Variants in TENM2 observed in about 807,000 individuals in gnomAD.
TENM2 encodes the protein teneurin transmembrane protein 2, also known as teneurin-2.
TENM2 carries 52 observed loss-of-function variants against 245.2 expected under a neutral mutation model. The observed-to-expected ratio is 0.21, with a 90% CI of 0.17 to 0.27. The LOEUF (loss-of-function observed/expected upper bound fraction) is 0.27, where lower values mean the gene tolerates loss of function less well. Ranked by LOEUF, TENM2 falls within the 10% of genes least tolerant of loss-of-function variation. The pLI is 1.00. For missense variants in TENM2, 3,046 were observed against 3,666.8 expected (o/e 0.83, Z 4.37); for synonymous variants, 1,363 against 1,438.9 (o/e 0.95, Z 1.19).
At chr5:167,690,446 G>GT (rs1238592737) in intron 2 of TENM2, among the ~76,000 whole-genome samples, 1 of 152,054 alleles carries the variant, frequency 6.6e-6, no homozygotes, top group Non-Finnish European at 1.5e-5. Flanking sequence ...AGTTATGCCA[G>GT]TTACTTTACT....
At chr5:168,012,363 C>G (rs1785284593) in intron 5 of TENM2, among the ~76,000 whole-genome samples, 1 of 151,850 alleles carries the variant, frequency 6.6e-6, no homozygotes, top group Non-Finnish European at 1.5e-5. Context: ...GAAGGTGAGG[C>G]CAGGCACAGA....
rs142982530 is a variant in TENM2 at position 167,743,367 on chromosome 5, G to A, written c.503-132619G>A. On this transcript the variant is annotated intron_variant, in intron 2 of 28. Coordinates refer to ENST00000518659, the Ensembl canonical transcript of TENM2. ...GCAATGTGAGCGCATTGAGTGACTG[G>A]GCAAGACATCATTAGAAAGACAAAA... Among the ~76,000 whole-genome samples, 255 of 152,200 alleles carry A rather than the reference G, an allele frequency of 1.7e-3. 2 individuals are homozygous for A. The highest frequency in any genetic ancestry group is 5.8e-3 in the African/African-American group (242 of 41,532).
intron 23 of TENM2, among the ~76,000 whole-genome samples, chr5:168,222,179 G>T (rs558765645): frequency 6.6e-6 from 1 of 152,322 alleles, no homozygotes; most frequent in Non-Finnish European, 1.5e-5. Flanking sequence ...CAGAATTGAA[G>T]AATGCAGCTT....
At chr5:167,485,806 T>A (rs1235839538) in intron 2 of TENM2, among the ~76,000 whole-genome samples, 3 of 152,174 alleles carry the variant, frequency 2.0e-5, no homozygotes, top group Admixed American at 6.5e-5. Context: ...TTTGGCTGAA[T>A]AAAGCTGACT....
At chr5:167,557,324 C>T (rs1361188482) in intron 2 of TENM2, among the ~76,000 whole-genome samples, 2 of 152,196 alleles carry the variant, frequency 1.3e-5, no homozygotes, top group African/African-American at 4.8e-5. Flanking sequence ...GAGACTTCCT[C>T]TTCTACAAGG....
chr5:168,260,449 G>T (rs1368812811), intron 28 of TENM2, 36 bp downstream of exon 30: 1 of 1,609,718 alleles, frequency 6.2e-7, no homozygotes, highest in Non-Finnish European at 8.5e-7. Flanking sequence ...CCAAATGATT[G>T]TCATCATTCC....
intron 2 of TENM2, among the ~76,000 whole-genome samples, chr5:167,779,282 C>A (rs1375430300): frequency 6.6e-6 from 1 of 152,120 alleles, no homozygotes; most frequent in Non-Finnish European, 1.5e-5. Flanking sequence ...CAACAGGGAC[C>A]CATCACAGGC....
chr5:167,876,038 G>A (rs2151382737), exon 3 of TENM2: 1 of 1,551,384 alleles, frequency 6.4e-7, no homozygotes, highest in Non-Finnish European at 8.7e-7. Context: ...CTGCTCAGCT[G>A]CCTAGCTCCC....
the TENM2 span, among the ~76,000 whole-genome samples, chr5:167,177,646 G>C: frequency 1.3e-5 from 2 of 152,154 alleles, no homozygotes; most frequent in African/African-American, 4.8e-5. Context: ...TCGAATCAGA[G>C]GTGTATTTGA....
intron 2 of TENM2, among the ~76,000 whole-genome samples, chr5:167,381,968 A>C (rs916636997): frequency 6.6e-6 from 1 of 152,164 alleles, no homozygotes; most frequent in African/African-American, 2.4e-5. Flanking sequence ...TTGGAAAGTA[A>C]TAAAATGATT....
chr5:167,146,857 C>T, the TENM2 span, among the ~76,000 whole-genome samples: 2 of 151,894 alleles, frequency 1.3e-5, no homozygotes, highest in Non-Finnish European at 2.9e-5. Flanking sequence ...ATATGTCCCA[C>T]ACTTGGAGAT....
At chr5:167,866,233 T>C (rs1291795534) in intron 2 of TENM2, among the ~76,000 whole-genome samples, 1 of 152,180 alleles carries the variant, frequency 6.6e-6, no homozygotes, top group Non-Finnish European at 1.5e-5. Flanking sequence ...GCGTGGTGGC[T>C]CACGCCTGTA....
intron 2 of TENM2, among the ~76,000 whole-genome samples, chr5:167,728,527 C>T (rs1279472822): frequency 6.6e-6 from 1 of 151,902 alleles, no homozygotes; most frequent in African/African-American, 2.4e-5. Context: ...TTACTTGAGC[C>T]CCAGAGGTCT....
chr5:167,920,694 G>A (rs559621543), intron 3 of TENM2, among the ~76,000 whole-genome samples: 2 of 152,266 alleles, frequency 1.3e-5, no homozygotes, highest in South Asian at 4.2e-4. Flanking sequence ...TAAATAATTG[G>A]GGGAGATCTT....
the TENM2 span, among the ~76,000 whole-genome samples, chr5:167,265,033 G>A: frequency 6.6e-6 from 1 of 152,014 alleles, no homozygotes; most frequent in Non-Finnish European, 1.5e-5. Context: ...TGTGGATAAA[G>A]GAAAGGAAAG....
At chr5:167,854,784 T>C (rs1770916013) in intron 2 of TENM2, among the ~76,000 whole-genome samples, 1 of 152,202 alleles carries the variant, frequency 6.6e-6, no homozygotes, top group East Asian at 1.9e-4. Flanking sequence ...CCATTTTGGG[T>C]TCCTTTCTCT....
intron 2 of TENM2, among the ~76,000 whole-genome samples, chr5:167,792,962 G>A (rs772179929): frequency 5.3e-5 from 8 of 152,072 alleles, no homozygotes; most frequent in Admixed American, 1.3e-4. Context: ...TGCCACACAC[G>A]AAGTATGCCA....
chr5:167,829,516 C>G (rs73388354), intron 2 of TENM2, among the ~76,000 whole-genome samples: 5,380 of 152,258 alleles, frequency 0.035, 334 homozygotes, highest in African/African-American at 0.12. Flanking sequence ...TCGTGGATCT[C>G]TAGAGGCCCA....
the TENM2 span, among the ~76,000 whole-genome samples, chr5:167,147,501 T>A: frequency 6.6e-6 from 1 of 152,168 alleles, no homozygotes; most frequent in African/African-American, 2.4e-5. Context: ...TACATTATGA[T>A]GACAAGTTAA....
Sources: allele counts gnomAD v4.1 joint callset (sites outside exome capture counted in the v4.1 genomes callset), GRCh38; gene constraint gnomAD v4.1.1; transcripts MANE v1.5; gene names NCBI Gene and HGNC (gene_info 2026-07-23, HGNC 2026-07-21).